Variants in UBE2F observed in about 807,000 individuals in gnomAD.
The protein encoded by UBE2F is ubiquitin conjugating enzyme E2 F (putative).
Under a neutral mutation model 29.6 loss-of-function variants are expected in UBE2F, and 5 were observed. The observed-to-expected ratio is 0.17, with a 90% CI of 0.09 to 0.36. The LOEUF (loss-of-function observed/expected upper bound fraction) is 0.36. Among genes scored for constraint, UBE2F ranks in the 10% least tolerant of loss-of-function variants. UBE2F has a pLI of 1.00. For synonymous variants in UBE2F, 66 were observed against 81.8 expected (o/e 0.81, Z 1.04); for missense variants, 141 against 228.5 (o/e 0.62, Z 2.47).
chr2:238,035,820 C>CT (rs2064696213), intron 8 of UBE2F, 58 bp from the exon 9 acceptor site: 2 of 1,436,646 alleles, frequency 1.4e-6, no homozygotes, highest in African/African-American at 1.4e-5. Context: ...AAAATGAAGA[C>CT]TTTAACAGCA....
chr2:238,009,100 A>G (rs2063963723), intron 4 of UBE2F, among the ~76,000 whole-genome samples: 1 of 152,184 alleles, frequency 6.6e-6, no homozygotes, highest in African/African-American at 2.4e-5. Context: ...GTTAGTGGTG[A>G]TTCTTTGTTC....
chr2:237,967,201 G>T lies in UBE2F; in HGVS notation c.-17+69G>T, dbSNP rs1357215633. On this transcript the variant is annotated intron_variant, in intron 1 of 9. Coordinates refer to ENST00000272930, the MANE Select transcript of UBE2F (RefSeq NM_080678.3). The surrounding 1 kb of genome is among the most constrained non-coding windows in gnomAD (Gnocchi z 6.3). ...CGCCGGTGCACGGGCTGGCCTGCGG[G>T]CCGGGCGGAGGGCGCGGGCGGTGGC... is the stretch of plus-strand genomic sequence containing the variant. 4.9e-6 allele frequency: 5 copies of T among 1,025,176 alleles called. No homozygotes were observed. The highest frequency in any genetic ancestry group is 5.9e-6 in the Non-Finnish European group (5 of 849,684). 63.5% of individuals were successfully genotyped at this position (1,025,176 alleles called of 1,614,324 possible).
intron 4 of UBE2F, among the ~76,000 whole-genome samples, chr2:238,000,994 A>G (rs1244389792): frequency 7.7e-6 from 1 of 129,408 alleles, no homozygotes; most frequent in African/African-American, 2.9e-5. Context: ...AATATGATTG[A>G]TTGTCTTTTA....
At chr2:237,975,948 T>A (rs1255732723) in intron 2 of UBE2F, among the ~76,000 whole-genome samples, 1 of 152,242 alleles carries the variant, frequency 6.6e-6, no homozygotes, top group East Asian at 1.9e-4. Context: ...TGTACTCTTT[T>A]TCTTACTCTC....
chr2:238,022,742 G>A lies in UBE2F; in HGVS notation c.283-2600G>A, dbSNP rs144231521. Among the ~76,000 whole-genome samples, 477 of 152,238 alleles carry A rather than the reference G, an allele frequency of 3.1e-3. 9 individuals carry two copies. The highest frequency in any genetic ancestry group is 3.1e-3 in the Non-Finnish European group (210 of 68,014). On this transcript the variant is annotated intron_variant, in intron 5 of 9. Transcript: ENST00000272930. ...GAGAGGCCAGATTTGTCATACATTA[G>A]GCTTCTGGCAGGGTGAGTGATGGTG...
At chr2:238,041,122 G>T (rs368613312) in intron 9 of UBE2F, among the ~76,000 whole-genome samples, 166 bp from the exon 10 acceptor site, 1 of 152,098 alleles carries the variant, frequency 6.6e-6, no homozygotes, top group African/African-American at 2.4e-5. Flanking sequence ...CACCCAGGTC[G>T]TGGCGAAATG....
chr2:238,007,245 C>T (rs1418160733), intron 4 of UBE2F, among the ~76,000 whole-genome samples: 1 of 152,124 alleles, frequency 6.6e-6, no homozygotes, highest in Non-Finnish European at 1.5e-5. Flanking sequence ...CCTCAGCTTC[C>T]TAATTAGCTG....
At chr2:238,014,616 T>C (rs910310649) in intron 4 of UBE2F, among the ~76,000 whole-genome samples, 1 of 151,956 alleles carries the variant, frequency 6.6e-6, no homozygotes, top group African/African-American at 2.4e-5. Context: ...CTCGCATGGG[T>C]AGTAATCATT....
intron 4 of UBE2F, among the ~76,000 whole-genome samples, chr2:238,000,022 C>T (rs2063764018): frequency 6.6e-6 from 1 of 152,080 alleles, no homozygotes; most frequent in African/African-American, 2.4e-5. Context: ...ACAGGTTTCA[C>T]GATGTTGGCC....
At chr2:238,018,555 A>G (rs2064216455) in intron 5 of UBE2F, among the ~76,000 whole-genome samples, 1 of 152,036 alleles carries the variant, frequency 6.6e-6, no homozygotes, top group South Asian at 2.1e-4. Flanking sequence ...CTGATGGTTC[A>G]GTGGGTTATT....
chr2:238,015,526 G>T (rs1304534224), intron 4 of UBE2F, among the ~76,000 whole-genome samples: 1 of 152,008 alleles, frequency 6.6e-6, no homozygotes, highest in East Asian at 1.9e-4. Flanking sequence ...TAGGGTCCAG[G>T]TAATGCCAGT....
intron 9 of UBE2F, among the ~76,000 whole-genome samples, chr2:238,038,976 T>A (rs531656204): frequency 2.6e-5 from 4 of 152,354 alleles, no homozygotes; most frequent in African/African-American, 9.6e-5. Context: ...GGCTCACGCC[T>A]GTAATCCCAG....
At chr2:238,019,654 C>CTTTTTT (rs375103007) in intron 5 of UBE2F, among the ~76,000 whole-genome samples, 33,207 of 77,536 alleles carry the variant, frequency 0.43, 9,221 homozygotes, top group East Asian at 0.75. Flanking sequence ...TGTGCTCAGC[C>CTTTTTT]TTTTTTTTTT....
At chr2:238,004,503 T>G (rs1031612312) in intron 4 of UBE2F, among the ~76,000 whole-genome samples, 1 of 152,220 alleles carries the variant, frequency 6.6e-6, no homozygotes. Context: ...AGTCTATGGC[T>G]CGTCTTTATT....
intron 6 of UBE2F, among the ~76,000 whole-genome samples, chr2:238,027,197 A>C (rs2064452297): frequency 6.6e-6 from 1 of 152,272 alleles, no homozygotes; most frequent in Non-Finnish European, 1.5e-5. Flanking sequence ...AAAGATTGTC[A>C]GATTTGACCA....
chr2:237,974,033 A>G (rs6711485), intron 2 of UBE2F, among the ~76,000 whole-genome samples: 131,408 of 152,084 alleles, frequency 0.86, 56,959 homozygotes, highest in East Asian at 0.97. Flanking sequence ...TCTCACTCTC[A>G]CCCAGGCTGG....
At position 238,016,651 on chromosome 2, in the gene UBE2F, A is replaced by T; in HGVS notation, c.282+18A>T. The stretch of plus-strand genomic sequence containing the variant: ...ACATGGTGGTGAGTAGCCTGCGTTG[A>T]GCCTGTTGTTTTACTTCTCGGGCGG... On this transcript the variant is annotated intron_variant, in intron 5 of 9. Transcript: ENST00000272930. 1 of 1,599,026 alleles carries T rather than the reference A, an allele frequency of 6.3e-7. No homozygotes were observed. Among genetic ancestry groups the T allele is most frequent in the Non-Finnish European group, 8.5e-7 (1 of 1,175,016 alleles).
At chr2:238,021,349 A>G (rs1343086696) in intron 5 of UBE2F, among the ~76,000 whole-genome samples, 1 of 152,196 alleles carries the variant, frequency 6.6e-6, no homozygotes, top group African/African-American at 2.4e-5. Context: ...TCTTCATATG[A>G]AATTATCAGA....
intron 5 of UBE2F, among the ~76,000 whole-genome samples, chr2:238,024,793 C>G (rs74855730): frequency 0.027 from 4,083 of 152,262 alleles, 178 homozygotes; most frequent in African/African-American, 0.094. Context: ...TCTTTCTCTC[C>G]TTTAAATGTA....
Sources: allele counts gnomAD v4.1 joint callset (sites outside exome capture counted in the v4.1 genomes callset), GRCh38; gene constraint gnomAD v4.1.1; non-coding constraint Gnocchi (gnomAD v3.1); transcripts MANE v1.5; gene names NCBI Gene and HGNC (gene_info 2026-07-23, HGNC 2026-07-21).